DISC1: variants seen among roughly 807,000 people sequenced by gnomAD.
The protein encoded by DISC1 is DISC1 scaffold protein.
Under a neutral mutation model 84.5 loss-of-function variants are expected in DISC1, and 57 were observed. That is an observed-to-expected ratio of 0.67 (90% CI 0.55 to 0.84). The LOEUF (loss-of-function observed/expected upper bound fraction) is 0.84, where lower values mean the gene tolerates loss of function less well. Among genes scored for constraint, DISC1 ranks in the 40% least tolerant of loss-of-function variants. The pLI is 0.00. For missense variants in DISC1, 1,000 were observed against 1,057.8 expected, an observed-to-expected ratio of 0.95 and a Z score of 0.76; for synonymous variants, 411 against 415.2, an observed-to-expected ratio of 0.99 and a Z score of 0.12.
intron 9 of DISC1, among the ~76,000 whole-genome samples, chr1:231,820,309 A>T (rs1192517006): frequency 6.6e-6 from 1 of 152,224 alleles, no homozygotes; most frequent in African/African-American, 2.4e-5. Context: ...AAACTGGGGC[A>T]AAGTCCATAT....
At chr1:231,712,711 C>T (rs533663921) in intron 3 of DISC1, among the ~76,000 whole-genome samples, 2 of 152,266 alleles carry the variant, frequency 1.3e-5, no homozygotes, top group South Asian at 2.1e-4. Context: ...CTGGGGGCTA[C>T]GTTAAGTACT....
At chr1:231,962,664 T>C (rs1660548537) in intron 10 of DISC1, among the ~76,000 whole-genome samples, 1 of 152,222 alleles carries the variant, frequency 6.6e-6, no homozygotes, top group Non-Finnish European at 1.5e-5. Flanking sequence ...TTTTTAGTTT[T>C]TATGAACTGC....
intron 9 of DISC1, among the ~76,000 whole-genome samples, chr1:231,871,114 C>T (rs546371935): frequency 1.3e-5 from 2 of 152,318 alleles, no homozygotes; most frequent in South Asian, 4.1e-4. Flanking sequence ...AAGCTGACTG[C>T]ACTCATTGAT....
chr1:231,981,262 C>G (rs1420416412), intron 10 of DISC1, among the ~76,000 whole-genome samples: 2 of 152,086 alleles, frequency 1.3e-5, no homozygotes, highest in East Asian at 3.9e-4. Flanking sequence ...TTTAAAAGAA[C>G]AAAAATCTTT....
At position 231,690,843 on chromosome 1, in the gene DISC1, C is replaced by T. The variant is rs143049395; in HGVS notation, c.68-2983C>T. On this transcript the variant is annotated intron_variant, in intron 1 of 12. Transcript: ENST00000439617. ...GAGGGTTAGGATTCATAGTGTGTGA[C>T]AGTCTTTGCTATTCAGGCCACCTTC... Among the ~76,000 whole-genome samples the T allele has an allele frequency of 8.3e-3, 1,258 of 152,258 alleles. 10 individuals carry two copies. The highest frequency in any genetic ancestry group is 0.023 in the Admixed American group (352 of 15,302).
intron 6 of DISC1, among the ~76,000 whole-genome samples, chr1:231,772,167 G>A (rs979015290): frequency 3.3e-5 from 5 of 151,894 alleles, no homozygotes; most frequent in Non-Finnish European, 5.9e-5. Context: ...TGTTGCCCAG[G>A]TTGCTCTTGA....
At chr1:231,725,292 C>A (rs1436361135) in intron 3 of DISC1, among the ~76,000 whole-genome samples, 1 of 152,212 alleles carries the variant, frequency 6.6e-6, no homozygotes, top group Non-Finnish European at 1.5e-5. Flanking sequence ...CACAAGCCTC[C>A]TGACCCAAAC....
At chr1:231,699,345 T>C (rs1558367540) in intron 2 of DISC1, among the ~76,000 whole-genome samples, 1 of 152,102 alleles carries the variant, frequency 6.6e-6, no homozygotes, top group Non-Finnish European at 1.5e-5. Flanking sequence ...GGTTGAATGA[T>C]GTGCACAGAT....
At chr1:231,948,354 A>T (rs1558768608) in intron 9 of DISC1, among the ~76,000 whole-genome samples, 1 of 152,140 alleles carries the variant, frequency 6.6e-6, no homozygotes, top group Non-Finnish European at 1.5e-5. Flanking sequence ...CTATCACAAG[A>T]ACAGAAAACC....
At chr1:231,885,710 G>A (rs531591072) in intron 9 of DISC1, among the ~76,000 whole-genome samples, 1 of 152,202 alleles carries the variant, frequency 6.6e-6, no homozygotes, top group East Asian at 1.9e-4. Flanking sequence ...TGCATTTCAT[G>A]AATGAGACTC....
intron 9 of DISC1, among the ~76,000 whole-genome samples, chr1:231,937,895 C>T (rs1303330039): frequency 1.3e-5 from 2 of 151,838 alleles, no homozygotes; most frequent in African/African-American, 2.4e-5. Context: ...ATTCTTCAAG[C>T]TTTCTTGGCA....
intron 10 of DISC1, among the ~76,000 whole-genome samples, chr1:231,994,616 C>A (rs1021948715): frequency 6.6e-6 from 1 of 152,126 alleles, no homozygotes; most frequent in Admixed American, 6.5e-5. Context: ...AATATATGTA[C>A]AACCCTTAGA....
In DISC1 at chr1:231,735,421, G is replaced by T. The variant is rs148135147; in HGVS notation, c.1118-14505G>T. Among the ~76,000 whole-genome samples the T allele has an allele frequency of 2.6e-3, 393 of 152,290 alleles. 2 individuals are homozygous for T. The highest frequency in any genetic ancestry group is 9.1e-3 in the African/African-American group (378 of 41,548). The stretch of plus-strand genomic sequence containing the variant: ...ACTGAATACTTCCTATGGGAAAGAG[G>T]TGGACGTGGTGGAAAATGAATTGAT... On this transcript the variant is annotated intron_variant, in intron 3 of 12. Coordinates refer to ENST00000439617, the MANE Select transcript of DISC1 (RefSeq NM_018662.3).
At position 231,887,202 on chromosome 1, in the gene DISC1, G is replaced by A. The variant is rs561625901; in HGVS notation, c.1981+68685G>A. The stretch of plus-strand genomic sequence containing the variant: ...TAGTATAATTTTATTTTAAGTGCAC[G>A]TTATTATTCTGCTTTCTCCAATATC... On this transcript the variant is annotated intron_variant, in intron 9 of 12. Transcript: ENST00000439617. 1.6e-4 allele frequency among the ~76,000 whole-genome samples: 24 copies of A among 152,174 alleles called. No individual in the cohort carries two copies. In the South Asian group the frequency reaches 5.0e-3, roughly 32 times the overall value.
chr1:231,737,954 C>T (rs1387705330), intron 3 of DISC1, among the ~76,000 whole-genome samples: 3 of 152,162 alleles, frequency 2.0e-5, no homozygotes, highest in African/African-American at 7.2e-5. Context: ...GCCTCCTGGG[C>T]TCAAGCCATC....
At chr1:231,640,822 C>T (rs1183247570) in intron 1 of DISC1, among the ~76,000 whole-genome samples, 1 of 152,182 alleles carries the variant, frequency 6.6e-6, no homozygotes, top group Admixed American at 6.5e-5. Context: ...AGGCATGAGC[C>T]ACCACGCTGT....
chr1:231,886,401 A>G (rs1169219867), intron 9 of DISC1, among the ~76,000 whole-genome samples: 4 of 152,268 alleles, frequency 2.6e-5, no homozygotes, highest in African/African-American at 9.6e-5. Flanking sequence ...TGTTAAGGAA[A>G]GAATTTCCAT....
chr1:231,671,267 C>T (rs1002848876), intron 1 of DISC1, among the ~76,000 whole-genome samples: 2 of 151,496 alleles, frequency 1.3e-5, no homozygotes, highest in African/African-American at 4.9e-5. Flanking sequence ...TTTTGTTTGC[C>T]TTGTGTATAT....
intron 9 of DISC1, among the ~76,000 whole-genome samples, chr1:231,917,718 A>T (rs959501632): frequency 1.3e-5 from 2 of 152,210 alleles, no homozygotes; most frequent in African/African-American, 4.8e-5. Context: ...CAAGATGGGC[A>T]GAGAGCCTGC....
Sources: allele counts gnomAD v4.1 joint callset (sites outside exome capture counted in the v4.1 genomes callset), GRCh38; gene constraint gnomAD v4.1.1; transcripts MANE v1.5; gene names NCBI Gene and HGNC (gene_info 2026-07-23, HGNC 2026-07-21).